KIF3B: variants seen among roughly 807,000 people sequenced by gnomAD.
KIF3B encodes the protein kinesin-like protein KIF3B.
A neutral mutation model predicts 74.3 loss-of-function variants in KIF3B; 38 were observed. The ratio of observed to expected loss-of-function variants is 0.51; its 90% CI spans 0.39 to 0.67. The LOEUF (loss-of-function observed/expected upper bound fraction) is 0.67. Among genes scored for constraint, KIF3B ranks in the 30% least tolerant of loss-of-function variants. The probability of loss-of-function intolerance (pLI) is 0.00; values close to 1 mark genes in which losing one functional copy is unlikely to be tolerated. For missense variants in KIF3B, 649 were observed against 932.0 expected, an observed-to-expected ratio of 0.70 and a Z score of 3.95; for synonymous variants, 326 against 342.5, an observed-to-expected ratio of 0.95 and a Z score of 0.53.
At chr20:32,308,464 G>A (rs969395923) in intron 1 of KIF3B, among the ~76,000 whole-genome samples, 2 of 152,158 alleles carry the variant, frequency 1.3e-5, no homozygotes, top group Non-Finnish European at 2.9e-5. Context: ...AGGCCAGAGT[G>A]CAGTGGCGCA....
intron 1 of KIF3B, among the ~76,000 whole-genome samples, chr20:32,279,347 G>C (rs1028045283): frequency 6.6e-6 from 1 of 152,202 alleles, no homozygotes; most frequent in African/African-American, 2.4e-5. Flanking sequence ...AAGGCCACAG[G>C]GGTATTCTTT....
chr20:32,327,714 G>A, intron 7 of KIF3B, 53 bp downstream of exon 7: 1 of 1,380,722 alleles, frequency 7.2e-7, no homozygotes, highest in Non-Finnish European at 1.0e-6. Context: ...GTCTAGATTT[G>A]TGTAAGCCCT....
chr20:32,301,826 A>G (rs762335556), intron 1 of KIF3B, among the ~76,000 whole-genome samples: 1 of 152,230 alleles, frequency 6.6e-6, no homozygotes, highest in Non-Finnish European at 1.5e-5. Context: ...GTGAGACTCT[A>G]TGACAGCTAG....
At position 32,331,247 on chromosome 20, in the gene KIF3B, ATCC is replaced by A. The variant is rs752409143; in HGVS notation, c.2181_2183del (p.Ser730del). The A allele has an allele frequency of 3.5e-5, 57 of 1,613,456 alleles. No homozygotes were observed. The African/African-American group carries it at 7.2e-4, about 20-fold the overall frequency. On this transcript the variant is annotated inframe_deletion, in exon 9 of 9. Coordinates refer to ENST00000375712, the MANE Select transcript of KIF3B (RefSeq NM_004798.4). ...GGCCTAAAAGTGGAAGGAAGTCGGGATCCTCCTCCTCTTCCTCAGGAACCCCTG... is the reference window on the plus strand; with the variant it reads ...GGCCTAAAAGTGGAAGGAAGTCGGGATCCTCCTCTTCCTCAGGAACCCCTG...
rs2047878504 is a variant in KIF3B at position 32,322,995 on chromosome 20, T to TATTTATATATATATAC, written c.1749-3774_1749-3773insTTATATATATATACAT. On this transcript the variant is annotated intron_variant, in intron 5 of 8. Transcript: ENST00000375712. The stretch of plus-strand genomic sequence containing the variant: ...ATATATACACATATTTATATATACA[T>TATTTATATATATATAC]ATATTTATATTTATATATATTTATA... Among the ~76,000 whole-genome samples, 5 of 13,306 alleles carry TATTTATATATATATAC rather than the reference T, an allele frequency of 3.8e-4. 1 individual carries two copies. The highest frequency in any genetic ancestry group is 5.7e-4 in the Non-Finnish European group (5 of 8,792). The allele number at this position is 13,306 out of a possible 152,430, so 8.7% of individuals were successfully genotyped here.
intron 1 of KIF3B, among the ~76,000 whole-genome samples, chr20:32,288,478 T>C (rs1397387914): frequency 6.6e-6 from 1 of 152,158 alleles, no homozygotes; most frequent in African/African-American, 2.4e-5. Flanking sequence ...GTGAATGAGA[T>C]CCTGTCTCCA....
At chr20:32,305,750 A>G (rs2047767401) in intron 1 of KIF3B, among the ~76,000 whole-genome samples, 1 of 138,716 alleles carries the variant, frequency 7.2e-6, no homozygotes, top group Non-Finnish European at 1.6e-5. Context: ...AAATTTTTGT[A>G]TTTTTTTTTT....
intron 2 of KIF3B, among the ~76,000 whole-genome samples, chr20:32,315,510 G>T (rs763936811): frequency 2.0e-5 from 3 of 152,070 alleles, no homozygotes; most frequent in Non-Finnish European, 4.4e-5. Flanking sequence ...TTCAAGACCA[G>T]CCCAGACAAC....
intron 1 of KIF3B, among the ~76,000 whole-genome samples, chr20:32,289,437 C>T (rs2047681181): frequency 6.6e-6 from 1 of 152,172 alleles, no homozygotes; most frequent in Non-Finnish European, 1.5e-5. Flanking sequence ...TGTGATCCAC[C>T]TGCCTTGGCC....
At chr20:32,306,802 C>T (rs1308419052) in intron 1 of KIF3B, among the ~76,000 whole-genome samples, 1 of 151,898 alleles carries the variant, frequency 6.6e-6, no homozygotes, top group Admixed American at 6.6e-5. Flanking sequence ...ACCATGTTGG[C>T]CCAGATGGTC....
At chr20:32,309,418 C>T (rs888204824) in intron 1 of KIF3B, among the ~76,000 whole-genome samples, 4 of 152,054 alleles carry the variant, frequency 2.6e-5, no homozygotes, top group Non-Finnish European at 4.4e-5. Context: ...TTCCCTGCCT[C>T]GGCCTCCCAG....
chr20:32,301,939 A>C (rs1412654572), intron 1 of KIF3B, among the ~76,000 whole-genome samples: 1 of 152,226 alleles, frequency 6.6e-6, no homozygotes, highest in East Asian at 1.9e-4. Context: ...AGCAGATAAA[A>C]GAGTTGAGGT....
At chr20:32,293,474 G>T (rs551143949) in intron 1 of KIF3B, among the ~76,000 whole-genome samples, 3 of 151,934 alleles carry the variant, frequency 2.0e-5, no homozygotes, top group African/African-American at 7.3e-5. Context: ...ATTAGGTTTG[G>T]TGGCATGTAC....
intron 1 of KIF3B, among the ~76,000 whole-genome samples, chr20:32,300,988 G>T (rs186605541): frequency 6.6e-6 from 1 of 151,112 alleles, no homozygotes; most frequent in Non-Finnish European, 1.5e-5. Context: ...TCAATCTCTC[G>T]ACTAGCTAGG....
At chr20:32,328,971 G>A (rs1357722315) in intron 7 of KIF3B, among the ~76,000 whole-genome samples, 1 of 152,066 alleles carries the variant, frequency 6.6e-6, no homozygotes, top group East Asian at 1.9e-4. Flanking sequence ...GCAGTGGCGC[G>A]AGCTCTGCTT....
chr20:32,299,790 T>G (rs989136370), intron 1 of KIF3B, among the ~76,000 whole-genome samples: 1 of 152,076 alleles, frequency 6.6e-6, no homozygotes, highest in Non-Finnish European at 1.5e-5. Flanking sequence ...TTTCTAGATT[T>G]TTTTTGTTTG....
chr20:32,286,409 T>G (rs6087361), intron 1 of KIF3B, among the ~76,000 whole-genome samples: 31,007 of 152,084 alleles, frequency 0.2, 3,526 homozygotes, highest in African/African-American at 0.3. Flanking sequence ...CTAGGTAAGA[T>G]AAAATATCAG....
Position 32,282,631 on chromosome 20 carries a change from C to T in KIF3B, c.-66+4866C>T, listed in dbSNP as rs1453986862. Among the ~76,000 whole-genome samples the T allele has an allele frequency of 3.9e-5, 6 of 152,326 alleles. No individual in the cohort carries two copies. The East Asian group carries it at 1.2e-3, about 29-fold the overall frequency. ...GTGTGGGCTTTGCCAGGGCAGTACCCATCTGTCTTTCTGTCTTGTGCTGTT... is the reference window on the plus strand; with the variant it reads ...GTGTGGGCTTTGCCAGGGCAGTACCTATCTGTCTTTCTGTCTTGTGCTGTT... On this transcript the variant is annotated intron_variant, in intron 1 of 8. Transcript: ENST00000375712.
intron 1 of KIF3B, among the ~76,000 whole-genome samples, chr20:32,293,787 A>G (rs1038586835): frequency 6.6e-6 from 1 of 152,198 alleles, no homozygotes; most frequent in Non-Finnish European, 1.5e-5. Context: ...GAAGATTTAC[A>G]TGTTCACTGT....
Sources: gnomAD v4.1 joint callset for allele counts (sites outside exome capture counted in the v4.1 genomes callset) on GRCh38, gnomAD v4.1.1 for gene constraint, MANE v1.5 for transcripts, NCBI Gene and HGNC (gene_info 2026-07-23, HGNC 2026-07-21) for gene names.